CTNNBL1: variants seen among roughly 807,000 people sequenced by gnomAD.
The protein encoded by CTNNBL1 is catenin beta like 1.
In CTNNBL1, 31 loss-of-function variants were observed where a neutral mutation model predicts 72.7. The observed-to-expected ratio is 0.43, with a 90% confidence interval of 0.32 to 0.58. CTNNBL1 has a LOEUF of 0.58. CTNNBL1 is among the 20% of genes least tolerant of loss of function. The probability of loss-of-function intolerance (pLI) is 0.08; values close to 1 mark genes in which losing one functional copy is unlikely to be tolerated. For synonymous variants in CTNNBL1, 240 were observed against 267.3 expected (o/e 0.90, Z 1.00); for missense variants, 534 against 725.1 (o/e 0.74, Z 3.03).
intron 11 of CTNNBL1, among the ~76,000 whole-genome samples, chr20:37,831,182 A>G (rs555037540): frequency 4.9e-4 from 75 of 152,152 alleles, no homozygotes; most frequent in African/African-American, 1.6e-3. Flanking sequence ...TTGGAGGAAA[A>G]TGTTTTTCTT....
intron 15 of CTNNBL1, among the ~76,000 whole-genome samples, chr20:37,871,018 C>T (rs2072579215): frequency 6.6e-6 from 1 of 152,166 alleles, no homozygotes; most frequent in South Asian, 2.1e-4. Flanking sequence ...AGAAAGTAGG[C>T]TCCACACAAG....
At chr20:37,724,742 A>G (rs2073068622) in intron 1 of CTNNBL1, among the ~76,000 whole-genome samples, 1 of 152,222 alleles carries the variant, frequency 6.6e-6, no homozygotes, top group African/African-American at 2.4e-5. Context: ...AAATGAGTAC[A>G]TAATCTCTGT....
intron 1 of CTNNBL1, among the ~76,000 whole-genome samples, chr20:37,726,097 G>A (rs777798050): frequency 5.3e-5 from 8 of 152,192 alleles, no homozygotes; most frequent in Non-Finnish European, 1.0e-4. Context: ...AAACTGAAGC[G>A]TAGAGGGAGT....
chr20:37,742,920 C>T (rs1020949774), intron 3 of CTNNBL1, among the ~76,000 whole-genome samples: 8 of 152,206 alleles, frequency 5.3e-5, no homozygotes, highest in African/African-American at 1.9e-4. Flanking sequence ...TCTCCTGCCT[C>T]AGCTTCTCGA....
chr20:37,730,636 A>G (rs148738223), intron 1 of CTNNBL1, among the ~76,000 whole-genome samples: 1 of 152,302 alleles, frequency 6.6e-6, no homozygotes, highest in Non-Finnish European at 1.5e-5. Flanking sequence ...TTTTATTCTA[A>G]TTTAATGGAA....
intron 1 of CTNNBL1, among the ~76,000 whole-genome samples, chr20:37,722,099 A>G (rs2073045023): frequency 6.6e-6 from 1 of 152,170 alleles, no homozygotes. Context: ...AGGTTGGGCT[A>G]CTTTTTATAT....
At chr20:37,786,861 GAAA>G (rs2122706172) in intron 10 of CTNNBL1, among the ~76,000 whole-genome samples, 1 of 152,178 alleles carries the variant, frequency 6.6e-6, no homozygotes, top group Non-Finnish European at 1.5e-5. Flanking sequence ...TACATTAACA[GAAA>G]ATAGAGGCTA....
At chr20:37,783,802 A>C (rs1055342384) in intron 10 of CTNNBL1, among the ~76,000 whole-genome samples, 5 of 152,344 alleles carry the variant, frequency 3.3e-5, no homozygotes, top group African/African-American at 1.2e-4. Flanking sequence ...AGAATGACCC[A>C]TGTGCTAAGG....
At chr20:37,770,792 G>A (rs975880218) in intron 7 of CTNNBL1, among the ~76,000 whole-genome samples, 3 of 152,154 alleles carry the variant, frequency 2.0e-5, no homozygotes, top group Non-Finnish European at 4.4e-5. Context: ...TGCTATTTGG[G>A]TTTTTTACTG....
chr20:37,863,501 TCTC>T (rs1466883281), intron 15 of CTNNBL1, among the ~76,000 whole-genome samples: 4 of 152,030 alleles, frequency 2.6e-5, no homozygotes, highest in African/African-American at 4.8e-5. Context: ...GGGAGCCACT[TCTC>T]CTCCTCAGGA....
At position 37,699,318 on chromosome 20, in the gene CTNNBL1, T is replaced by A. The variant is rs150520558; in HGVS notation, c.30+5166T>A. Among the ~76,000 whole-genome samples the A allele has an allele frequency of 2.0e-5, 3 of 152,382 alleles. No homozygotes were observed. In the East Asian group the frequency reaches 5.8e-4, roughly 29 times the overall value. On this transcript the variant is annotated intron_variant, in intron 1 of 15. Transcript: ENST00000361383. Reference sequence around the variant, plus strand: ...CTCCTAACCACTGTGCCATACTGCCTGCCTGCTATATGCCAGATGCAGAAC... The same window carrying A: ...CTCCTAACCACTGTGCCATACTGCCAGCCTGCTATATGCCAGATGCAGAAC...
At chr20:37,808,884 C>G (rs958722012) in intron 11 of CTNNBL1, among the ~76,000 whole-genome samples, 2 of 151,994 alleles carry the variant, frequency 1.3e-5, no homozygotes, top group African/African-American at 2.4e-5. Flanking sequence ...GTAAATGGCA[C>G]CAGCCTCCTC....
At chr20:37,768,470 C>A (rs1194198372) in intron 7 of CTNNBL1, among the ~76,000 whole-genome samples, 1 of 152,150 alleles carries the variant, frequency 6.6e-6, no homozygotes, top group East Asian at 1.9e-4. Flanking sequence ...CTAATTATTG[C>A]CTAGTTAGTA....
chr20:37,758,084 T>C (rs1037769468), intron 5 of CTNNBL1, among the ~76,000 whole-genome samples: 21 of 152,220 alleles, frequency 1.4e-4, no homozygotes, highest in African/African-American at 5.1e-4. Context: ...TACTGACCTT[T>C]TTACAAAGAG....
intron 1 of CTNNBL1, among the ~76,000 whole-genome samples, chr20:37,711,055 C>G (rs1202280082): frequency 2.6e-5 from 4 of 152,192 alleles, no homozygotes; most frequent in Non-Finnish European, 4.4e-5. Flanking sequence ...ATACAGTGTG[C>G]CTCATATGGT....
chr20:37,862,351 C>T (rs2072498272), intron 15 of CTNNBL1, among the ~76,000 whole-genome samples: 1 of 152,160 alleles, frequency 6.6e-6, no homozygotes, highest in South Asian at 2.1e-4. Context: ...TGAGCCTTCT[C>T]CCTGCACCTC....
At position 37,868,466 on chromosome 20, in the gene CTNNBL1, G is replaced by A. The variant is rs1454243748; in HGVS notation, c.1604-3459G>A. Among the ~76,000 whole-genome samples the A allele has an allele frequency of 2.0e-5, 3 of 152,290 alleles. No individual in the cohort carries two copies. The East Asian group carries it at 5.8e-4, about 29-fold the overall frequency. ...CAAAGGTTACATGTGAGACAACCTA[G>A]AAAATGCAGGCACATAGCAGTGCAC... On this transcript the variant is annotated intron_variant, in intron 15 of 15. Coordinates refer to ENST00000361383, the MANE Select transcript of CTNNBL1 (RefSeq NM_030877.5).
At chr20:37,714,389 C>T (rs2072968052) in intron 1 of CTNNBL1, among the ~76,000 whole-genome samples, 1 of 152,182 alleles carries the variant, frequency 6.6e-6, no homozygotes, top group African/African-American at 2.4e-5. Context: ...AGGCTTAGCA[C>T]CTCCCCAGTT....
chr20:37,701,642 G>T (rs2072844038), intron 1 of CTNNBL1, among the ~76,000 whole-genome samples: 1 of 152,210 alleles, frequency 6.6e-6, no homozygotes, highest in African/African-American at 2.4e-5. Context: ...GATTCTGTGG[G>T]TGGTAAAGGA....
Sources: allele counts gnomAD v4.1 joint callset (sites outside exome capture counted in the v4.1 genomes callset), GRCh38; gene constraint gnomAD v4.1.1; transcripts MANE v1.5; gene names NCBI Gene and HGNC (gene_info 2026-07-23, HGNC 2026-07-21).